Variants in KAT14 observed in about 807,000 individuals in gnomAD.
The protein encoded by KAT14 is lysine acetyltransferase 14, also known as cysteine-rich protein 2-binding protein.
In KAT14, 66 loss-of-function variants were observed where a neutral mutation model predicts 78.4. The ratio of observed to expected loss-of-function variants is 0.84; its 90% CI spans 0.69 to 1.03. The LOEUF is 1.03. Among genes scored for constraint, KAT14 ranks in the 50% least tolerant of loss-of-function variants. The probability of loss-of-function intolerance (pLI) is 0.00; values close to 1 mark genes in which losing one functional copy is unlikely to be tolerated. For synonymous variants in KAT14, 344 were observed against 359.4 expected (o/e 0.96, Z 0.48); for missense variants, 870 against 972.5 (o/e 0.89, Z 1.40).
chr20:18,148,047 A>G (rs1459467578), intron 3 of KAT14, among the ~76,000 whole-genome samples: 1 of 152,200 alleles, frequency 6.6e-6, no homozygotes, highest in African/African-American at 2.4e-5. Flanking sequence ...GTTGCATCTG[A>G]AAAAGCCCAT....
chr20:18,144,936 G>A (rs1437441817), intron 2 of KAT14, among the ~76,000 whole-genome samples: 1 of 152,188 alleles, frequency 6.6e-6, no homozygotes, highest in East Asian at 1.9e-4. Flanking sequence ...TGTGTGAAGA[G>A]ACCTGCCTCT....
intron 1 of KAT14, 170 bp downstream of exon 1, chr20:18,138,221 G>T (rs2037373176): frequency 1.6e-6 from 2 of 1,260,282 alleles, no homozygotes; most frequent in African/African-American, 3.1e-5. Flanking sequence ...CGCTCTGCTG[G>T]GCTCCGGGCG....
intron 2 of KAT14, among the ~76,000 whole-genome samples, chr20:18,143,486 G>T (rs2037670815): frequency 6.7e-6 from 1 of 148,908 alleles, no homozygotes. Context: ...TTTTTTTTGA[G>T]ATGGAGTTTT....
At chr20:18,166,595 T>G (rs1817930777) in intron 7 of KAT14, among the ~76,000 whole-genome samples, 1 of 152,234 alleles carries the variant, frequency 6.6e-6, no homozygotes, top group Non-Finnish European at 1.5e-5. Flanking sequence ...AGGAAACTTT[T>G]TACTTTCTAC....
chr20:18,184,772 A>G lies in KAT14; in HGVS notation c.2152A>G (p.Met718Val), dbSNP rs2039399597. The change falls in exon 10 of 11, where the codon ATG becomes GTG. Residue 718 changes from methionine to valine, a missense_variant. By Grantham distance (21) the Met-to-Val change is conservative. Transcript: ENST00000688188. The part of the protein sequence containing the change: ...EWRRAGIATF[M>V]IYHLIQTCMG... ...GAGAAGAGCAGGGATTGCAACTTTC[A>G]TGATCTATCATCTGATTCAGGTAAG... 1.2e-6 allele frequency: 2 copies of G among 1,608,134 alleles called. No homozygotes were observed. The highest frequency in any genetic ancestry group is 1.7e-6 in the Non-Finnish European group (2 of 1,178,226).
At chr20:18,157,315 A>C (rs1325879439) in intron 4 of KAT14, among the ~76,000 whole-genome samples, 3 of 152,208 alleles carry the variant, frequency 2.0e-5, no homozygotes, top group African/African-American at 7.2e-5. Flanking sequence ...TCCCAGGCAC[A>C]AGTGATCCTC....
chr20:18,161,174 CAAA>C (rs969609952), intron 5 of KAT14, among the ~76,000 whole-genome samples: 2 of 129,832 alleles, frequency 1.5e-5, no homozygotes, highest in African/African-American at 2.8e-5. Flanking sequence ...GACCCTGTCT[CAAA>C]AAAAAAAAAA....
chr20:18,184,471 C>A, intron 9 of KAT14, 131 bp from the exon 10 acceptor site: 1 of 852,532 alleles, frequency 1.2e-6, no homozygotes, highest in Non-Finnish European at 1.7e-6. Flanking sequence ...CTCTATGTTA[C>A]CTCCAGTTTT....
At chr20:18,145,700 G>C (rs2037801464) in intron 3 of KAT14, among the ~76,000 whole-genome samples, 1 of 151,902 alleles carries the variant, frequency 6.6e-6, no homozygotes, top group South Asian at 2.1e-4. Context: ...AGAATCGCTT[G>C]AACCTGGGAG....
intron 5 of KAT14, among the ~76,000 whole-genome samples, chr20:18,160,289 A>G (rs1384887037): frequency 6.6e-6 from 1 of 152,184 alleles, no homozygotes; most frequent in Non-Finnish European, 1.5e-5. Flanking sequence ...CCACCTGCCT[A>G]TGGCCTGCAA....
At chr20:18,178,116 AAC>A (rs900625597) in intron 7 of KAT14, among the ~76,000 whole-genome samples, 2 of 151,560 alleles carry the variant, frequency 1.3e-5, no homozygotes, top group African/African-American at 4.9e-5. Flanking sequence ...TCAAAAAAAA[AAC>A]AAAAAACAAA....
chr20:18,160,017 G>C (rs374385749), intron 5 of KAT14, among the ~76,000 whole-genome samples: 2 of 152,154 alleles, frequency 1.3e-5, no homozygotes, highest in East Asian at 3.9e-4. Context: ...AGGTTCAAAT[G>C]ATTCTCGTGC....
chr20:18,142,240 G>A lies in KAT14; in HGVS notation c.-421G>A, dbSNP rs1320960124. 4 of 1,537,172 alleles carry A rather than the reference G, an allele frequency of 2.6e-6. No homozygotes were observed. The highest frequency in any genetic ancestry group is 8.7e-7 in the Non-Finnish European group (1 of 1,146,894). On this transcript the variant is annotated 5_prime_UTR_variant, in exon 2 of 11. Transcript: ENST00000688188. ...GTGACGGAGTTATCAGAGACATTGAGAGGCAAATTCGGAAAAAAGAAAACA... is the reference window on the plus strand; with the variant it reads ...GTGACGGAGTTATCAGAGACATTGAAAGGCAAATTCGGAAAAAAGAAAACA...
In KAT14 at chr20:18,178,336, G is replaced by A. The variant is rs540464019; in HGVS notation, c.1669-3374G>A. 7.6e-4 allele frequency among the ~76,000 whole-genome samples: 115 copies of A among 152,194 alleles called. 1 individual carries two copies. The highest frequency in any genetic ancestry group is 2.7e-3 in the African/African-American group (111 of 41,522). On this transcript the variant is annotated intron_variant, in intron 7 of 10. Coordinates refer to ENST00000688188, the MANE Select transcript of KAT14 (RefSeq NM_001392073.1). Reference sequence around the variant, plus strand: ...TCCATGGCATTCCACGGGAATCCACGGGAGTGATATTCTACATCACTCCCA... The same window carrying A: ...TCCATGGCATTCCACGGGAATCCACAGGAGTGATATTCTACATCACTCCCA...
intron 4 of KAT14, among the ~76,000 whole-genome samples, chr20:18,155,116 C>G (rs2038178495): frequency 6.6e-6 from 1 of 152,134 alleles, no homozygotes; most frequent in Non-Finnish European, 1.5e-5. Flanking sequence ...AACTCCTGAC[C>G]TCAGGTGATC....
chr20:18,146,278 T>G (rs2037822057), intron 3 of KAT14, among the ~76,000 whole-genome samples: 1 of 152,106 alleles, frequency 6.6e-6, no homozygotes. Flanking sequence ...GTGGCTCACA[T>G]CTGTAATCCC....
chr20:18,170,780 GC>G (rs2038817755), intron 7 of KAT14, among the ~76,000 whole-genome samples: 2 of 152,088 alleles, frequency 1.3e-5, no homozygotes, highest in African/African-American at 4.8e-5. Flanking sequence ...CTCGTGGTCC[GC>G]CCGCCTCGGC....
intron 4 of KAT14, among the ~76,000 whole-genome samples, chr20:18,157,504 A>C (rs1407532878): frequency 6.6e-6 from 1 of 152,212 alleles, no homozygotes; most frequent in Admixed American, 6.5e-5. Context: ...TGTACAGTTC[A>C]GTGGTGTTAA....
intron 7 of KAT14, among the ~76,000 whole-genome samples, chr20:18,179,418 G>T (rs1030515908): frequency 5.9e-5 from 9 of 152,214 alleles, no homozygotes; most frequent in South Asian, 2.1e-4. Flanking sequence ...TGGGCATCCA[G>T]GTGTTTCCAT....
Sources: allele counts gnomAD v4.1 joint callset (sites outside exome capture counted in the v4.1 genomes callset), GRCh38; gene constraint gnomAD v4.1.1; transcripts MANE v1.5; gene names NCBI Gene and HGNC (gene_info 2026-07-23, HGNC 2026-07-21).